Variants in OSBPL8 observed in about 807,000 individuals in gnomAD.
OSBPL8 encodes the protein oxysterol-binding protein-related protein 8.
In OSBPL8, 59 loss-of-function variants were observed where a neutral mutation model predicts 125.5. The ratio of observed to expected loss-of-function variants is 0.47; its 90% CI spans 0.38 to 0.58. The LOEUF (loss-of-function observed/expected upper bound fraction) is 0.58. Ranked by LOEUF, OSBPL8 falls within the 20% of genes least tolerant of loss-of-function variation. The pLI is 0.00. For missense variants in OSBPL8, 758 were observed against 1,047.8 expected (o/e 0.72, Z 3.82); for synonymous variants, 330 against 338.9 (o/e 0.97, Z 0.29).
At chr12:76,493,682 G>C (rs1482283164) in intron 1 of OSBPL8, among the ~76,000 whole-genome samples, 2 of 152,110 alleles carry the variant, frequency 1.3e-5, no homozygotes, top group African/African-American at 4.8e-5. Context: ...AATTTGATTA[G>C]ATATGTCTTC....
At chr12:76,469,269 G>C (rs997165282) in intron 2 of OSBPL8, among the ~76,000 whole-genome samples, 6 of 152,120 alleles carry the variant, frequency 3.9e-5, no homozygotes, top group South Asian at 4.1e-4. Context: ...AGACCCTCAA[G>C]GCCATTCCAA....
chr12:76,397,560 G>A (rs1472712399), intron 8 of OSBPL8, 134 bp downstream of exon 8: 3 of 890,696 alleles, frequency 3.4e-6, no homozygotes, highest in Non-Finnish European at 5.1e-6. Flanking sequence ...GGCAGAATGG[G>A]GGAATAATGC....
chr12:76,483,488 A>G (rs894544521), intron 2 of OSBPL8, among the ~76,000 whole-genome samples: 14 of 144,062 alleles, frequency 9.7e-5, no homozygotes, highest in African/African-American at 3.6e-4. Context: ...TGCTTGAATC[A>G]GGGAGATGGA....
intron 12 of OSBPL8, among the ~76,000 whole-genome samples, chr12:76,387,684 A>G (rs1444374104): frequency 6.6e-6 from 1 of 152,174 alleles, no homozygotes; most frequent in East Asian, 1.9e-4. Flanking sequence ...CAATGTGGTG[A>G]TTTTTTAAGA....
In OSBPL8 at chr12:76,371,562, T is replaced by A; in HGVS notation, c.1940A>T (p.Asp647Val). ...GHWDSEVFIT[D>V]KKTDNSEVFW... is the part of the protein sequence containing the mutation. ...AACCTCTGAATTATCAGTCTTTTTA[T>A]CAGTAATAAAAACTTCACTATCCTA... The change falls in exon 19 of 24, where the codon GAT (aspartate) becomes GTT (valine). Residue 647 changes from aspartate to valine, a missense_variant. By Grantham distance (152) the Asp-to-Val change is radical. Around this residue, in one of 3 missense-constraint regions of OSBPL8, gnomAD observed 572 missense variants for 762.0 expected, o/e 0.75. Transcript: ENST00000261183. The A allele has an allele frequency of 1.2e-6, 2 of 1,606,462 alleles. No individual in the cohort carries two copies. The highest frequency in any genetic ancestry group is 1.7e-6 in the Non-Finnish European group (2 of 1,176,378).
intron 4 of OSBPL8, among the ~76,000 whole-genome samples, chr12:76,412,244 G>A (rs74103424): frequency 3.6e-4 from 55 of 152,058 alleles, no homozygotes; most frequent in Middle Eastern, 3.4e-3. Context: ...AAAAAAGTAC[G>A]TACCATATGA....
intron 21 of OSBPL8, among the ~76,000 whole-genome samples, chr12:76,367,135 A>C (rs1952446544): frequency 6.6e-6 from 1 of 152,126 alleles, no homozygotes; most frequent in African/African-American, 2.4e-5. Context: ...CATTATTAAA[A>C]GTAGTTTACT....
intron 4 of OSBPL8, among the ~76,000 whole-genome samples, chr12:76,431,417 T>C (rs1337278936): frequency 3.3e-5 from 5 of 152,062 alleles, no homozygotes; most frequent in African/African-American, 4.8e-5. Flanking sequence ...TTCTTACTTA[T>C]CAATAATTAT....
chr12:76,432,066 TA>T (rs1870899715), intron 4 of OSBPL8, among the ~76,000 whole-genome samples: 1 of 151,818 alleles, frequency 6.6e-6, no homozygotes, highest in South Asian at 2.1e-4. Context: ...AGTAATCAAG[TA>T]AAAGTATCAA....
At chr12:76,415,774 G>A (rs1868573224) in intron 4 of OSBPL8, among the ~76,000 whole-genome samples, 1 of 151,834 alleles carries the variant, frequency 6.6e-6, no homozygotes, top group African/African-American at 2.4e-5. Context: ...CAGAGTTAAG[G>A]TTTTAAAAAA....
intron 4 of OSBPL8, among the ~76,000 whole-genome samples, chr12:76,440,502 T>G (rs1465002267): frequency 6.6e-6 from 1 of 152,200 alleles, no homozygotes; most frequent in Non-Finnish European, 1.5e-5. Flanking sequence ...TCCAGGCACT[T>G]GTGTATACTA....
intron 1 of OSBPL8, among the ~76,000 whole-genome samples, chr12:76,492,115 T>A (rs764515426): frequency 1.3e-5 from 2 of 152,076 alleles, no homozygotes; most frequent in African/African-American, 2.4e-5. Flanking sequence ...TAGGAAAAAG[T>A]AAAACAGGCT....
At chr12:76,542,958 C>T (rs367813666) in intron 1 of OSBPL8, among the ~76,000 whole-genome samples, 26 of 152,302 alleles carry the variant, frequency 1.7e-4, no homozygotes, top group Admixed American at 2.6e-4. Context: ...AGATGTTCTG[C>T]GAGAAATATT....
At chr12:76,521,974 T>C (rs1882100040) in intron 1 of OSBPL8, among the ~76,000 whole-genome samples, 1 of 152,112 alleles carries the variant, frequency 6.6e-6, no homozygotes, top group African/African-American at 2.4e-5. Context: ...AATAAAATAA[T>C]TGGGGAAAAA....
chr12:76,498,537 G>A (rs1417212960), intron 1 of OSBPL8, among the ~76,000 whole-genome samples: 1 of 152,126 alleles, frequency 6.6e-6, no homozygotes, highest in Non-Finnish European at 1.5e-5. Flanking sequence ...CCTGACAACT[G>A]ATTTAAAGTA....
chr12:76,536,751 C>T (rs1950510083), intron 1 of OSBPL8, among the ~76,000 whole-genome samples: 1 of 141,878 alleles, frequency 7.0e-6, no homozygotes, highest in African/African-American at 2.6e-5. Context: ...CGGAAAGGAG[C>T]AAGTCATATG....
At chr12:76,378,013 A>G (rs958939008) in intron 16 of OSBPL8, among the ~76,000 whole-genome samples, 6 of 152,230 alleles carry the variant, frequency 3.9e-5, no homozygotes, top group Non-Finnish European at 8.8e-5. Flanking sequence ...GGCAAAAAGC[A>G]TAATACATTA....
At chr12:76,519,430 T>C (rs754272277) in intron 1 of OSBPL8, among the ~76,000 whole-genome samples, 4 of 152,136 alleles carry the variant, frequency 2.6e-5, no homozygotes, top group Non-Finnish European at 4.4e-5. Context: ...AATTCCAAAC[T>C]TTCCCCCGTC....
At chr12:76,511,646 AG>A (rs1450644910) in intron 1 of OSBPL8, among the ~76,000 whole-genome samples, 1 of 152,148 alleles carries the variant, frequency 6.6e-6, no homozygotes, top group African/African-American at 2.4e-5. Context: ...GTACATAGTT[AG>A]CAAATATTTT....
Sources: allele counts gnomAD v4.1 joint callset (sites outside exome capture counted in the v4.1 genomes callset), GRCh38; gene constraint gnomAD v4.1.1; regional missense constraint gnomAD v4.1.1; transcripts MANE v1.5; gene names NCBI Gene and HGNC (gene_info 2026-07-23, HGNC 2026-07-21).